The following TNNI3K variants were observed in gnomAD, a reference collection of about 807,000 sequenced individuals.
TNNI3K encodes the protein TNNI3 interacting kinase, also known as serine/threonine-protein kinase TNNI3K.
Under a neutral mutation model 114.5 loss-of-function variants are expected in TNNI3K, and 140 were observed. That is an observed-to-expected ratio of 1.22 (90% CI 1.07 to 1.41). The LOEUF is 1.41. Ranked by LOEUF, TNNI3K falls within the 40% of genes most tolerant of loss-of-function variation. The pLI, the probability that TNNI3K is intolerant of heterozygous loss-of-function variation, is 0.00. For synonymous variants in TNNI3K, 347 were observed against 347.5 expected, an observed-to-expected ratio of 1.00 and a Z score of 0.02; for missense variants, 1,125 against 1,007.6, an observed-to-expected ratio of 1.12 and a Z score of -1.58.
intron 5 of TNNI3K, among the ~76,000 whole-genome samples, chr1:74,295,909 CTTCTT>C (rs932037846): frequency 2.6e-5 from 4 of 151,816 alleles, no homozygotes; most frequent in African/African-American, 9.7e-5. Flanking sequence ...CATTTTCTGT[CTTCTT>C]TTAAGTTAAG....
At chr1:74,491,891 G>C (rs112011821) in intron 22 of TNNI3K, among the ~76,000 whole-genome samples, 1 of 152,158 alleles carries the variant, frequency 6.6e-6, no homozygotes, top group Admixed American at 6.5e-5. Flanking sequence ...CCAGCTCTCA[G>C]CACAGAACTG....
intron 18 of TNNI3K, 33 bp downstream of exon 18, chr1:74,436,165 T>C (rs1160648463): frequency 1.2e-6 from 2 of 1,611,258 alleles, no homozygotes; most frequent in African/African-American, 2.7e-5. Flanking sequence ...CCTTTTTTTC[T>C]TTGTTCCTAG....
chr1:74,270,263 T>C (rs1656260317), intron 4 of TNNI3K, among the ~76,000 whole-genome samples: 1 of 151,750 alleles, frequency 6.6e-6, no homozygotes. Context: ...TACCTAAAGA[T>C]TGCTAAAGAA....
chr1:74,470,394 T>C (rs1216980898), intron 21 of TNNI3K: 1 of 400,754 alleles, frequency 2.5e-6, no homozygotes, highest in Non-Finnish European at 4.4e-6. Context: ...CTACTATTTT[T>C]ATCTCTAGTG....
chr1:74,242,688 A>G (rs1654317658), intron 2 of TNNI3K, among the ~76,000 whole-genome samples: 1 of 152,232 alleles, frequency 6.6e-6, no homozygotes, highest in Non-Finnish European at 1.5e-5. Flanking sequence ...ACAACAAAAA[A>G]AACCCTCAAA....
chr1:74,258,024 T>C (rs1655435999), intron 4 of TNNI3K, among the ~76,000 whole-genome samples: 1 of 152,166 alleles, frequency 6.6e-6, no homozygotes, highest in Non-Finnish European at 1.5e-5. Context: ...ACATGGTGCT[T>C]ACTCCTAAAG....
chr1:74,501,604 A>G (rs1310478557), intron 23 of TNNI3K, among the ~76,000 whole-genome samples: 1 of 152,056 alleles, frequency 6.6e-6, no homozygotes, highest in Non-Finnish European at 1.5e-5. Context: ...CTCCTGCCTC[A>G]GCCTCCCGAG....
intron 5 of TNNI3K, among the ~76,000 whole-genome samples, chr1:74,275,402 C>A (rs1274757298): frequency 1.3e-5 from 2 of 152,110 alleles, no homozygotes; most frequent in Non-Finnish European, 2.9e-5. Flanking sequence ...GAAACCACCC[C>A]TATGATTCAA....
At chr1:74,481,411 A>G (rs1436668298) in intron 21 of TNNI3K, among the ~76,000 whole-genome samples, 1 of 152,172 alleles carries the variant, frequency 6.6e-6, no homozygotes, top group Non-Finnish European at 1.5e-5. Flanking sequence ...ATGTGTATTT[A>G]TGCTGTGAAG....
intron 2 of TNNI3K, among the ~76,000 whole-genome samples, chr1:74,238,599 G>T (rs1168237531): frequency 6.6e-6 from 1 of 152,060 alleles, no homozygotes; most frequent in East Asian, 1.9e-4. Context: ...AATTTAGGAA[G>T]ATGCCGAAAT....
chr1:74,388,871 A>G (rs993525171), intron 17 of TNNI3K, among the ~76,000 whole-genome samples: 2 of 152,174 alleles, frequency 1.3e-5, no homozygotes, highest in Non-Finnish European at 2.9e-5. Flanking sequence ...CAAATTAGGC[A>G]ATAAGTAGCT....
chr1:74,280,902 G>A (rs1007739151), intron 5 of TNNI3K, among the ~76,000 whole-genome samples: 1 of 152,074 alleles, frequency 6.6e-6, no homozygotes, highest in African/African-American at 2.4e-5. Flanking sequence ...TGCAACTTGG[G>A]GAGAGACTTC....
chr1:74,405,603 A>T (rs1664577238), intron 17 of TNNI3K, among the ~76,000 whole-genome samples: 1 of 152,178 alleles, frequency 6.6e-6, no homozygotes, highest in Admixed American at 6.5e-5. Flanking sequence ...AGCACCAAGG[A>T]TTATCTCACT....
At chr1:74,357,710 A>G (rs994153548) in intron 11 of TNNI3K, among the ~76,000 whole-genome samples, 1 of 152,074 alleles carries the variant, frequency 6.6e-6, no homozygotes. Context: ...TTTAAGTTTC[A>G]ATATTTATCT....
At chr1:74,300,871 C>T (rs1282796192) in intron 5 of TNNI3K, among the ~76,000 whole-genome samples, 1 of 152,092 alleles carries the variant, frequency 6.6e-6, no homozygotes, top group African/African-American at 2.4e-5. Flanking sequence ...ATTTCTTTCT[C>T]TCTAACGTAA....
chr1:74,256,265 G>A (rs1441402961), intron 4 of TNNI3K, among the ~76,000 whole-genome samples: 2 of 130,704 alleles, frequency 1.5e-5, no homozygotes, highest in African/African-American at 5.6e-5. Flanking sequence ...ATCCTTTCCG[G>A]CACTTGGTGT....
chr1:74,391,120 G>A (rs1036662278), intron 17 of TNNI3K, among the ~76,000 whole-genome samples: 1 of 152,158 alleles, frequency 6.6e-6, no homozygotes, highest in African/African-American at 2.4e-5. Context: ...ACACCATTGA[G>A]ATGTTTAAGC....
chr1:74,259,449 A>G (rs1655535246), intron 4 of TNNI3K, among the ~76,000 whole-genome samples: 1 of 152,164 alleles, frequency 6.6e-6, no homozygotes, highest in Non-Finnish European at 1.5e-5. Context: ...GATGATGCCC[A>G]CCCATATTGG....
At chr1:74,274,713 G>A (rs1656564150) in intron 5 of TNNI3K, among the ~76,000 whole-genome samples, 2 of 151,988 alleles carry the variant, frequency 1.3e-5, no homozygotes, top group South Asian at 4.1e-4. Flanking sequence ...TTATGATGGG[G>A]TTATATCTGA....
Sources: gnomAD v4.1 joint callset for allele counts (sites outside exome capture counted in the v4.1 genomes callset) on GRCh38, gnomAD v4.1.1 for gene constraint, MANE v1.5 for transcripts, NCBI Gene and HGNC (gene_info 2026-07-23, HGNC 2026-07-21) for gene names.